The following ARFGEF2 variants were observed in gnomAD, a reference collection of about 807,000 sequenced individuals.
ARFGEF2 encodes the protein ARF guanine nucleotide exchange factor 2.
Under a neutral mutation model 219.9 loss-of-function variants are expected in ARFGEF2, and 74 were observed. The observed-to-expected ratio is 0.34, with a 90% confidence interval of 0.28 to 0.41. The LOEUF (loss-of-function observed/expected upper bound fraction) is 0.41, where lower values mean the gene tolerates loss of function less well. Ranked by LOEUF, ARFGEF2 falls within the 10% of genes least tolerant of loss-of-function variation. The pLI is 1.00. For synonymous variants in ARFGEF2, 733 were observed against 799.2 expected (o/e 0.92, Z 1.40); for missense variants, 1,743 against 2,218.3 (o/e 0.79, Z 4.30).
rs2091406233 is a variant in ARFGEF2 at position 48,998,620 on chromosome 20, T to G, written c.3432+115T>G. 4 of 1,063,122 alleles carry G rather than the reference T, an allele frequency of 3.8e-6. No homozygotes were observed. In the Admixed American group the frequency reaches 8.4e-5, roughly 22 times the overall value. The allele number at this position is 1,063,122 out of a possible 1,614,324, so 65.9% of individuals were successfully genotyped here. A position where few individuals can be genotyped will look rare whatever the true frequency, so the allele number is the denominator to read the frequency against. ...CTGTTTTTTAGATGCCTCTAATTCA[T>G]TTTCCCTGTGCAGTCAAGGACAGCT... On this transcript the variant is annotated intron_variant, in intron 25 of 38. Coordinates refer to ENST00000371917, the MANE Select transcript of ARFGEF2 (RefSeq NM_006420.3).
intron 3 of ARFGEF2, among the ~76,000 whole-genome samples, chr20:48,948,508 A>G (rs2091043822): frequency 6.6e-6 from 1 of 152,200 alleles, no homozygotes; most frequent in Admixed American, 6.5e-5. Flanking sequence ...AAATAGAACC[A>G]ACTTCAGAAG....
At chr20:48,957,794 A>G (rs376737201) in intron 6 of ARFGEF2, among the ~76,000 whole-genome samples, 110 of 152,146 alleles carry the variant, frequency 7.2e-4, no homozygotes, top group African/African-American at 2.5e-3. Context: ...CTCTTCAGGA[A>G]CCTTCTGCTG....
intron 2 of ARFGEF2, 88 bp from the exon 3 acceptor site, chr20:48,941,776 A>C: frequency 6.3e-7 from 1 of 1,595,998 alleles, no homozygotes; most frequent in African/African-American, 1.3e-5. Context: ...AGGCACTTTA[A>C]ATTAAATGGT....
Position 48,989,405 on chromosome 20 carries a change from C to G in ARFGEF2, c.2654C>G (p.Thr885Ser), listed in dbSNP as rs2091344564. ...GCCAAAGCCCCGTTTACCAGTGCCA[C>G]TCACCTGGACCATGTCCGGCCAATG... ...SHAKAPFTSA[T>S]HLDHVRPMFK... Residue 885 changes from threonine to serine, a missense_variant, in exon 19 of 39, where the codon ACT becomes AGT. Thr to Ser is a moderately conservative substitution (Grantham distance 58). This residue lies in a region of ARFGEF2 where 666 missense variants were observed against 955.4 expected (regional missense o/e 0.70). Coordinates refer to ENST00000371917, the MANE Select transcript of ARFGEF2 (RefSeq NM_006420.3). The G allele has an allele frequency of 6.2e-7, 1 of 1,614,246 alleles. No individual in the cohort carries two copies. Among genetic ancestry groups the G allele is most frequent in the Non-Finnish European group, 8.5e-7 (1 of 1,180,044 alleles).
intron 3 of ARFGEF2, among the ~76,000 whole-genome samples, chr20:48,946,317 G>T (rs1233074790): frequency 6.6e-6 from 1 of 152,026 alleles, no homozygotes; most frequent in African/African-American, 2.4e-5. Flanking sequence ...CTTCCCCTGC[G>T]GCTTGCTTCT....
chr20:48,939,082 C>G (rs1294222460), intron 1 of ARFGEF2, among the ~76,000 whole-genome samples: 1 of 150,238 alleles, frequency 6.7e-6, no homozygotes, highest in Non-Finnish European at 1.5e-5. Context: ...TCAAGCGATT[C>G]TCCTGCCTCA....
chr20:49,031,220 CTTTTTTTTTTTTTTTT>C (rs869105434), intron 37 of ARFGEF2, among the ~76,000 whole-genome samples: 3 of 59,414 alleles, frequency 5.0e-5, no homozygotes, highest in Admixed American at 2.6e-4. Context: ...TGAGTTTGGA[CTTTTTTTTTTTTTTTT>C]TTTTTTTTTT....
rs775235902 is a variant in ARFGEF2, at chr20:48,971,075, A to AT, written c.1191-39dup. The AT allele has an allele frequency of 5.5e-5, 84 of 1,532,252 alleles. 1 individual carries two copies. In the East Asian group the frequency reaches 1.3e-3, roughly 23 times the overall value. The allele number at this position is 1,532,252 out of a possible 1,614,324, so 94.9% of individuals were successfully genotyped here. A position where few individuals can be genotyped will look rare whatever the true frequency, so the allele number is the denominator to read the frequency against. ...CTTCTCAAGAAACATACTGTTTGAC[A>AT]TTTTTTCTTTTAGCACTGTTGTGGT... On this transcript the variant is annotated intron_variant, in intron 9 of 38. Transcript: ENST00000371917.
chr20:48,953,947 A>G (rs1435123155), intron 6 of ARFGEF2, among the ~76,000 whole-genome samples, 157 bp downstream of exon 6: 2 of 152,186 alleles, frequency 1.3e-5, no homozygotes, highest in African/African-American at 4.8e-5. Context: ...AGGGAACACA[A>G]CCAGTGAGGC....
intron 2 of ARFGEF2, among the ~76,000 whole-genome samples, chr20:48,941,632 C>A (rs1457079621): frequency 1.3e-5 from 2 of 152,182 alleles, no homozygotes; most frequent in Non-Finnish European, 2.9e-5. Flanking sequence ...GTGGCTGCCA[C>A]CAGGATTCAG....
chr20:49,030,593 A>G (rs1183430289), intron 37 of ARFGEF2, among the ~76,000 whole-genome samples: 2 of 152,184 alleles, frequency 1.3e-5, no homozygotes, highest in Non-Finnish European at 2.9e-5. Context: ...TACAATGAGA[A>G]TAACAAGTCA....
intron 16 of ARFGEF2, 132 bp from the exon 17 acceptor site, chr20:48,988,172 G>A (rs752771989): frequency 6.5e-5 from 46 of 704,980 alleles, no homozygotes; most frequent in South Asian, 1.1e-4. Context: ...TGATGAAAGC[G>A]TAAAAACTCT....
intron 1 of ARFGEF2, 137 bp downstream of exon 1, chr20:48,922,147 A>C (rs1235494150): frequency 2.2e-6 from 3 of 1,341,708 alleles, no homozygotes; most frequent in Non-Finnish European, 3.0e-6. Context: ...CCTCCTCCTC[A>C]TTATACCCCC....
At chr20:48,933,842 G>A (rs111736378) in intron 1 of ARFGEF2, among the ~76,000 whole-genome samples, 6,960 of 151,904 alleles carry the variant, frequency 0.046, 488 homozygotes, top group African/African-American at 0.15. Flanking sequence ...GAAGTTGGCC[G>A]GGTGCGGTGG....
intron 38 of ARFGEF2, 138 bp from the exon 39 acceptor site, chr20:49,032,885 G>A (rs569633187): frequency 5.9e-5 from 51 of 869,584 alleles, no homozygotes; most frequent in Admixed American, 1.1e-4. Flanking sequence ...GAATCACTGC[G>A]CTCGGCCCCA....
At chr20:48,952,676 A>G (rs749303468) in intron 4 of ARFGEF2, 29 bp from the exon 5 acceptor site, 2 of 1,613,450 alleles carry the variant, frequency 1.2e-6, no homozygotes, top group African/African-American at 1.3e-5. Context: ...TGCGTTCCTG[A>G]TGGTGAAGGT....
Position 48,976,104 on chromosome 20 carries a change from A to G in ARFGEF2, c.1863A>G (p.Thr621=), listed in dbSNP as rs767517509. The G allele has an allele frequency of 1.9e-6, 3 of 1,613,772 alleles. No homozygotes were observed. The highest frequency in any genetic ancestry group is 1.7e-5 in the Admixed American group (1 of 60,016). The part of the protein sequence containing the change: ...RRCSVTSMES[T]VSSGTQTTVQ... ...GTAGTGTGACGTCCATGGAGTCCAC[A>G]GTGTCCTCGGGGACCCAGACAACTG... Residue 621 remains threonine (T), a synonymous_variant, in exon 14 of 39, where the codon ACA becomes ACG. Coordinates refer to ENST00000371917, the MANE Select transcript of ARFGEF2 (RefSeq NM_006420.3).
intron 28 of ARFGEF2, among the ~76,000 whole-genome samples, chr20:49,012,860 G>A (rs1221672838): frequency 6.6e-6 from 1 of 152,188 alleles, no homozygotes; most frequent in Non-Finnish European, 1.5e-5. Context: ...CTGAAGCACA[G>A]AGAGAAATTG....
chr20:48,923,863 A>G (rs2090859314), intron 1 of ARFGEF2, among the ~76,000 whole-genome samples: 1 of 152,192 alleles, frequency 6.6e-6, no homozygotes, highest in African/African-American at 2.4e-5. Flanking sequence ...TTTAATAGAT[A>G]TTTTCGGATC....
Sources: allele counts gnomAD v4.1 joint callset (sites outside exome capture counted in the v4.1 genomes callset), GRCh38; gene constraint gnomAD v4.1.1; regional missense constraint gnomAD v4.1.1; transcripts MANE v1.5; gene names NCBI Gene and HGNC (gene_info 2026-07-23, HGNC 2026-07-21).